The following NCR3LG1 variants were observed in gnomAD, a reference collection of about 807,000 sequenced individuals.
NCR3LG1 encodes natural killer cell cytotoxicity receptor 3 ligand 1.
Under a neutral mutation model 34.8 loss-of-function variants are expected in NCR3LG1, and 35 were observed. The ratio of observed to expected loss-of-function variants is 1.01; its 90% CI spans 0.77 to 1.33. The LOEUF is 1.33. NCR3LG1 is among the 40% of genes most tolerant of loss of function. The pLI is 0.00. For missense variants in NCR3LG1, 452 were observed against 423.3 expected (o/e 1.07, Z -0.60); for synonymous variants, 173 against 163.6 (o/e 1.06, Z -0.44).
chr11:17,371,486 C>T (rs1460767607), intron 4 of NCR3LG1, among the ~76,000 whole-genome samples: 1 of 152,006 alleles, frequency 6.6e-6, no homozygotes, highest in African/African-American at 2.4e-5. Flanking sequence ...AGTGTTATCC[C>T]CATTGGAGGG....
At chr11:17,366,902 G>A (rs1953349644) in intron 2 of NCR3LG1, 107 bp from the exon 3 acceptor site, 3 of 735,812 alleles carry the variant, frequency 4.1e-6, no homozygotes, top group Admixed American at 5.7e-5. Context: ...GGCTACAGGA[G>A]CAGTGATGCA....
At position 17,372,296 on chromosome 11, in the gene NCR3LG1, T is replaced by A. The variant is rs990055702; in HGVS notation, c.1149T>A (p.Cys383Ter). The A allele has an allele frequency of 1.4e-6, 1 of 703,166 alleles. No homozygotes were observed. Among genetic ancestry groups the A allele is most frequent in the Non-Finnish European group, 2.6e-6 (1 of 385,040 alleles). The allele number at this position is 703,166 out of a possible 1,614,324, so 43.6% of individuals were successfully genotyped here. ...ACAACCCAGATCTTTGTCAGTGTTG[T>A]AGAATTGACCCTGCTCTCCTAACAG... is the stretch of plus-strand genomic sequence containing the variant. Reference protein sequence around the residue: ...LRDNPDLCQCCRIDPALLTVT... With the variant: ...LRDNPDLCQC The change falls in exon 5 of 5, where the codon TGT becomes TGA. Residue 383 changes from cysteine to a stop codon, truncating the protein, a stop_gained. Coordinates refer to ENST00000338965, the MANE Select transcript of NCR3LG1 (RefSeq NM_001202439.3). LOFTEE classifies it high-confidence loss of function.
Position 17,356,949 on chromosome 11 carries a change from G to A in NCR3LG1, c.369G>A (p.Glu123=). 4 of 1,535,770 alleles carry A rather than the reference G, an allele frequency of 2.6e-6. No homozygotes were observed. Among genetic ancestry groups the A allele is most frequent in the Non-Finnish European group, 3.5e-6 (4 of 1,146,680 alleles). ...QLEEAGEYRC[E]VVVTPLKAQG... Reference sequence around the variant, plus strand: ...AGGAAGCAGGAGAGTACCGATGTGAGGTGGTGGTCACCCCTCTGAAGGCAC... The same window carrying A: ...AGGAAGCAGGAGAGTACCGATGTGAAGTGGTGGTCACCCCTCTGAAGGCAC... The change falls in exon 2 of 5, where the codon GAG becomes GAA. Residue 123 remains glutamate, a synonymous_variant. Coordinates refer to ENST00000338965, the MANE Select transcript of NCR3LG1 (RefSeq NM_001202439.3).
chr11:17,357,158 A>G (rs528844272), intron 2 of NCR3LG1, among the ~76,000 whole-genome samples, 157 bp downstream of exon 2: 19 of 152,376 alleles, frequency 1.2e-4, no homozygotes, highest in African/African-American at 4.6e-4. Context: ...TAAGGCTGCC[A>G]TAACAAAATA....
rs531401615 is a variant in NCR3LG1, at chr11:17,376,750, C to G, written c.*4238C>G. On this transcript the variant is annotated 3_prime_UTR_variant, in exon 5 of 5. Transcript: ENST00000338965. ...AAGTTGGCCGGGTAATAGCAAATGC[C>G]TCCTCCTGTTTTAAAAGCAGAGGAA... 2.0e-5 allele frequency: 3 copies of G among 151,764 alleles called. No individual in the cohort carries two copies. The highest frequency in any genetic ancestry group is 7.2e-5 in the African/African-American group (3 of 41,564). The allele number at this position is 151,764 out of a possible 1,614,324, so 9.4% of individuals were successfully genotyped here.
intron 2 of NCR3LG1, among the ~76,000 whole-genome samples, chr11:17,363,346 T>C (rs1953303588): frequency 6.6e-6 from 1 of 152,142 alleles, no homozygotes; most frequent in Non-Finnish European, 1.5e-5. Context: ...AGATTCCATG[T>C]TGGTGTTTTT....
chr11:17,364,202 A>T (rs1953319107), intron 2 of NCR3LG1, among the ~76,000 whole-genome samples: 1 of 151,240 alleles, frequency 6.6e-6, no homozygotes, highest in African/African-American at 2.4e-5. Context: ...TTTCTTTTTT[A>T]AAAATTGTTT....
chr11:17,357,103 TGG>T, intron 2 of NCR3LG1, 102 bp downstream of exon 2: 2 of 797,432 alleles, frequency 2.5e-6, no homozygotes, highest in Non-Finnish European at 3.9e-6. Context: ...TATTATAAAA[TGG>T]TCTGATAATA....
At chr11:17,378,597 A>G (rs1231311342), downstream of NCR3LG1, among the ~76,000 whole-genome samples, 1 of 152,070 alleles carries the variant, frequency 6.6e-6, no homozygotes, top group East Asian at 1.9e-4. Context: ...TGTAACCCCA[A>G]CGACGCCCCC....
intron 1 of NCR3LG1, among the ~76,000 whole-genome samples, chr11:17,355,541 T>A (rs1953194769): frequency 1.3e-5 from 2 of 151,908 alleles, no homozygotes; most frequent in African/African-American, 4.8e-5. Flanking sequence ...CTGAAAGAAA[T>A]TTAAAATCTA....
At position 17,375,710 on chromosome 11, in the gene NCR3LG1, G is replaced by A. The variant is rs774589190; in HGVS notation, c.*3198G>A. On this transcript the variant is annotated 3_prime_UTR_variant, in exon 5 of 5. Transcript: ENST00000338965. ...AGACATTGCAGAGGGCATCAGAAGC[G>A]GGTAGATGAAATAGCGAAAGGAAAC... 1 of 152,178 alleles carries A rather than the reference G, an allele frequency of 6.6e-6. No individual in the cohort carries two copies. The highest frequency in any genetic ancestry group is 2.4e-5 in the African/African-American group (1 of 41,440). 9.4% of individuals were successfully genotyped at this position (152,178 alleles called of 1,614,324 possible). A position where few individuals can be genotyped will look rare whatever the true frequency, so the allele number is the denominator to read the frequency against.
chr11:17,368,936 TATTA>T lies in NCR3LG1; in HGVS notation c.834_837del (p.Ile279PhefsTer2). The stretch of plus-strand genomic sequence containing the variant: ...TCATTCATTGGTGTTGGACTGGTTT[TATTA>T]ATTGTTTTGATTCCTTGGAAAAAGG... On this transcript the variant is annotated frameshift_variant, in exon 4 of 5. Coordinates refer to ENST00000338965, the MANE Select transcript of NCR3LG1 (RefSeq NM_001202439.3). LOFTEE classifies it high-confidence loss of function. 1 of 1,534,576 alleles carries T rather than the reference TATTA, an allele frequency of 6.5e-7. No homozygotes were observed. The highest frequency in any genetic ancestry group is 8.7e-7 in the Non-Finnish European group (1 of 1,145,574).
intron 1 of NCR3LG1, among the ~76,000 whole-genome samples, chr11:17,352,601 T>A (rs1953150922): frequency 6.6e-6 from 1 of 152,158 alleles, no homozygotes; most frequent in Admixed American, 6.5e-5. Flanking sequence ...CTTCCTTGGA[T>A]GTCGCGCGTT....
At position 17,372,965 on chromosome 11, in the gene NCR3LG1, T is replaced by C. The variant is rs372096764; in HGVS notation, c.*453T>C. 18 of 155,786 alleles carry C rather than the reference T, an allele frequency of 1.2e-4. No individual in the cohort carries two copies. The South Asian group carries it at 3.4e-3, about 29-fold the overall frequency. The allele number at this position is 155,786 out of a possible 1,614,324, so 9.7% of individuals were successfully genotyped here. On this transcript the variant is annotated 3_prime_UTR_variant, in exon 5 of 5. Transcript: ENST00000338965. ...CTTAATTACCCCAAACTCTCCATGA[T>C]AGATCAAAAACTAGATGAAAATCCC... is the stretch of plus-strand genomic sequence containing the variant.
chr11:17,362,794 C>CTT (rs1953294526), intron 2 of NCR3LG1, among the ~76,000 whole-genome samples: 1 of 142,668 alleles, frequency 7.0e-6, no homozygotes, highest in African/African-American at 2.6e-5. Flanking sequence ...CCTTCTTTCT[C>CTT]TCTCTTTCTT....
At chr11:17,377,855 C>T (rs35246340), downstream of NCR3LG1, among the ~76,000 whole-genome samples, 32,055 of 152,104 alleles carry the variant, frequency 0.21, 3,694 homozygotes, top group African/African-American at 0.27. Flanking sequence ...CCTAGCCTAG[C>T]GTCTTTTCTA....
Position 17,375,439 on chromosome 11 carries a change from C to T in NCR3LG1, c.*2927C>T, listed in dbSNP as rs1442540591. 6.6e-6 allele frequency: 1 copy of T among 152,106 alleles called. No homozygotes were observed. The highest frequency in any genetic ancestry group is 1.5e-5 in the Non-Finnish European group (1 of 68,042). The allele number at this position is 152,106 out of a possible 1,614,324, so 9.4% of individuals were successfully genotyped here. On this transcript the variant is annotated 3_prime_UTR_variant, in exon 5 of 5. Transcript: ENST00000338965. ...CACCCTAAATAACATTGAAAATGTG[C>T]CTCTCTCACCAGGCACACACACTCA...
rs1564860628 is a variant in NCR3LG1, at chr11:17,373,782, T to C, written c.*1270T>C. The C allele has an allele frequency of 6.6e-6, 1 of 152,188 alleles. No individual in the cohort carries two copies. Among genetic ancestry groups the C allele is most frequent in the African/African-American group, 2.4e-5 (1 of 41,438 alleles). 9.4% of individuals were successfully genotyped at this position (152,188 alleles called of 1,614,324 possible). On this transcript the variant is annotated 3_prime_UTR_variant, in exon 5 of 5. Transcript: ENST00000338965. ...AGGCCTTTTTAGTCATGCCTGAAAG[T>C]CCCACTCCTTTATTAGATAGAGATA...
rs1953208589 is a variant in NCR3LG1, at chr11:17,356,632, T to A, written c.71-19T>A. ...TCATACATTGGTAAACTGAACATTG[T>A]GTCCTCTTATTGCCACAGGTGATCT... On this transcript the variant is annotated intron_variant, in intron 1 of 4. Transcript: ENST00000338965. 21 of 1,483,832 alleles carry A rather than the reference T, an allele frequency of 1.4e-5. No individual in the cohort carries two copies. Among genetic ancestry groups the A allele is most frequent in the Non-Finnish European group, 1.9e-5 (21 of 1,106,456 alleles). 91.9% of individuals were successfully genotyped at this position (1,483,832 alleles called of 1,614,324 possible). A position where few individuals can be genotyped will look rare whatever the true frequency, so the allele number is the denominator to read the frequency against.
Sources: allele counts gnomAD v4.1 joint callset (sites outside exome capture counted in the v4.1 genomes callset), GRCh38; gene constraint gnomAD v4.1.1; transcripts MANE v1.5; gene names NCBI Gene and HGNC (gene_info 2026-07-23, HGNC 2026-07-21).